The following FER1L6 variants were observed in gnomAD, a reference collection of about 807,000 sequenced individuals.
The protein encoded by FER1L6 is fer-1-like protein 6.
In FER1L6, 177 loss-of-function variants were observed where a neutral mutation model predicts 219.2. That is an observed-to-expected ratio of 0.81 (90% CI 0.71 to 0.91). FER1L6 has a LOEUF of 0.91. Ranked by LOEUF, FER1L6 falls within the 40% of genes least tolerant of loss-of-function variation. The pLI, the probability that FER1L6 is intolerant of heterozygous loss-of-function variation, is 0.00. For synonymous variants in FER1L6, 768 were observed against 824.3 expected, an observed-to-expected ratio of 0.93 and a Z score of 1.17; for missense variants, 2,153 against 2,259.9, an observed-to-expected ratio of 0.95 and a Z score of 0.96.
At position 124,069,426 on chromosome 8, in the gene FER1L6, T is replaced by C. The variant is rs1820971556; in HGVS notation, c.3785T>C (p.Leu1262Pro). Residue 1262 changes from leucine to proline, a missense_variant, in exon 29 of 41, where the codon CTC (leucine) becomes CCC (proline). Coordinates refer to ENST00000522917, the MANE Select transcript of FER1L6 (RefSeq NM_001039112.2). Reference sequence around the variant, plus strand: ...CCAAAGAAGAAGAAAGACAAAATGCTCAAGAAGAAACCCAAAGATGATGGA... The same window carrying C: ...CCAAAGAAGAAGAAAGACAAAATGCCCAAGAAGAAACCCAAAGATGATGGA... Reference protein sequence around the residue: ...DGPKKKKDKMLKKKPKDDGIP... With the variant: ...DGPKKKKDKMPKKKPKDDGIP... 6.2e-7 allele frequency: 1 copy of C among 1,611,890 alleles called. No individual in the cohort carries two copies.
Position 124,082,358 on chromosome 8 carries a change from A to G in FER1L6, c.4291A>G (p.Ile1431Val), listed in dbSNP as rs532162255. 90 of 1,614,002 alleles carry G rather than the reference A, an allele frequency of 5.6e-5. 1 individual carries two copies. The South Asian group carries it at 9.1e-4, about 16-fold the overall frequency. Reference protein sequence around the residue: ...LSILIYDHDMIGTDDLIGETK... With the variant: ...LSILIYDHDMVGTDDLIGETK... The stretch of plus-strand genomic sequence containing the variant: ...CATCCTGATCTATGACCATGACATG[A>G]TTGGCACAGATGACCTTATTGGTGA... The change falls in exon 33 of 41, where the codon ATT (isoleucine) becomes GTT (valine). Residue 1431 changes from isoleucine to valine, a missense_variant. By Grantham distance (29) the Ile-to-Val change is conservative (BLOSUM62 3). Coordinates refer to ENST00000522917, the MANE Select transcript of FER1L6 (RefSeq NM_001039112.2).
intron 35 of FER1L6, among the ~76,000 whole-genome samples, chr8:124,096,590 G>A (rs138656548): frequency 6.2e-4 from 94 of 152,220 alleles, no homozygotes; most frequent in African/African-American, 2.0e-3. Context: ...CTTGTACCAC[G>A]GTAAAATCTG....
chr8:123,972,617 A>G (rs575400339), intron 6 of FER1L6, among the ~76,000 whole-genome samples: 13 of 152,326 alleles, frequency 8.5e-5, no homozygotes, highest in Admixed American at 7.2e-4. Flanking sequence ...TCTGACAGTT[A>G]TAAACATTGT....
chr8:124,052,378 G>A (rs1340373865), intron 22 of FER1L6, among the ~76,000 whole-genome samples: 1 of 152,264 alleles, frequency 6.6e-6, no homozygotes, highest in African/African-American at 2.4e-5. Flanking sequence ...GATAGCACAG[G>A]TTTCAGGCAC....
chr8:123,992,198 G>T (rs1280870207), intron 12 of FER1L6, among the ~76,000 whole-genome samples: 1 of 152,100 alleles, frequency 6.6e-6, no homozygotes. Flanking sequence ...TGGAATCAGG[G>T]TGATATTGGC....
chr8:124,085,419 GTTTCCATTTTCA>G (rs1270068938), intron 33 of FER1L6, among the ~76,000 whole-genome samples: 2 of 151,502 alleles, frequency 1.3e-5, no homozygotes, highest in Non-Finnish European at 2.9e-5. Context: ...TTGTTGGTAT[GTTTCCATTTTCA>G]TTTGTTTCAA....
At chr8:123,936,459 C>T (rs938391360) in intron 1 of FER1L6, among the ~76,000 whole-genome samples, 3 of 114,728 alleles carry the variant, frequency 2.6e-5, no homozygotes, top group Admixed American at 2.0e-4. Context: ...ATAATTGCAG[C>T]CTGTTTTTTT....
intron 39 of FER1L6, among the ~76,000 whole-genome samples, chr8:124,118,006 A>T (rs1586367236): frequency 6.6e-6 from 1 of 152,340 alleles, no homozygotes; most frequent in Non-Finnish European, 1.5e-5. Context: ...ATTTCAATGC[A>T]TAAAACCAAG....
At chr8:123,921,693 C>T (rs1215162312) in intron 1 of FER1L6, among the ~76,000 whole-genome samples, 1 of 151,976 alleles carries the variant, frequency 6.6e-6, no homozygotes, top group African/African-American at 2.4e-5. Flanking sequence ...GAGGATTGTA[C>T]TCTTGCAGAG....
intron 1 of FER1L6, among the ~76,000 whole-genome samples, chr8:123,913,581 T>C (rs189595162): frequency 1.6e-4 from 24 of 152,224 alleles, no homozygotes; most frequent in Non-Finnish European, 1.5e-5. Flanking sequence ...GGGCTCTGTG[T>C]TTTTGTTTTT....
chr8:124,035,533 C>A, intron 19 of FER1L6, 79 bp downstream of exon 19: 2 of 1,429,266 alleles, frequency 1.4e-6, no homozygotes. Context: ...GGGCAGCATG[C>A]ATGAGTTTTT....
chr8:123,999,510 G>C (rs1817308630), intron 12 of FER1L6, among the ~76,000 whole-genome samples: 1 of 152,056 alleles, frequency 6.6e-6, no homozygotes. Context: ...CCAGGTGTCA[G>C]AAATTAGCCA....
intron 28 of FER1L6, 61 bp downstream of exon 28, chr8:124,067,867 T>TA (rs2130857031): frequency 1.4e-6 from 2 of 1,423,900 alleles, no homozygotes; most frequent in Non-Finnish European, 2.0e-6. Flanking sequence ...GAGAAAATTG[T>TA]AAAATGGAAG....
chr8:123,938,242 A>G (rs371258852), intron 1 of FER1L6, among the ~76,000 whole-genome samples: 2 of 152,248 alleles, frequency 1.3e-5, no homozygotes, highest in South Asian at 2.1e-4. Flanking sequence ...CACGGGGAAT[A>G]CCTCCTTGGT....
chr8:123,921,198 T>C (rs1180248134), intron 1 of FER1L6, among the ~76,000 whole-genome samples: 2 of 152,220 alleles, frequency 1.3e-5, no homozygotes, highest in African/African-American at 4.8e-5. Context: ...TTTGGATATA[T>C]ACCCAGAACC....
In FER1L6 at chr8:124,076,301, A is replaced by G. The variant is rs564228744; in HGVS notation, c.4196A>G (p.Lys1399Arg). The change falls in exon 32 of 41, where the codon AAA becomes AGA. Residue 1399 changes from lysine (K) to arginine (R), a missense_variant. Coordinates refer to ENST00000522917, the MANE Select transcript of FER1L6 (RefSeq NM_001039112.2). The part of the protein sequence containing the change: ...EIKDRDKYIP[K>R]QLNPVFGRSF... The stretch of plus-strand genomic sequence containing the variant: ...AAAGACCGGGATAAATACATCCCTA[A>G]ACAACTGAACCCAGTATTTGGAAGG... The G allele has an allele frequency of 4.3e-6, 7 of 1,613,838 alleles. No homozygotes were observed. In the African/African-American group the frequency reaches 9.3e-5, roughly 22 times the overall value.
At position 124,060,535 on chromosome 8, in the gene FER1L6, G is replaced by A. The variant is rs1438120717; in HGVS notation, c.2986-13G>A. Reference sequence around the variant, plus strand: ...TGGATCTGTGGTGATGGCTCTGCTGGTCTTTTCCTCAGGTTCTCTTCTGGG... The same window carrying A: ...TGGATCTGTGGTGATGGCTCTGCTGATCTTTTCCTCAGGTTCTCTTCTGGG... On this transcript the variant is annotated splice_polypyrimidine_tract_variant and intron_variant, in intron 23 of 40. Transcript: ENST00000522917. The A allele has an allele frequency of 3.1e-6, 5 of 1,613,178 alleles. No homozygotes were observed. In the African/African-American group the frequency reaches 4.0e-5, roughly 13 times the overall value.
In FER1L6 at chr8:124,101,239, G is replaced by C. The variant is rs1463639790; in HGVS notation, c.5026G>C (p.Glu1676Gln). 1.2e-6 allele frequency: 2 copies of C among 1,613,802 alleles called. No homozygotes were observed. Among genetic ancestry groups the C allele is most frequent in the African/African-American group, 2.7e-5 (2 of 74,870 alleles). ...AEKQMVITKRENIFSLEKMEC... is the reference protein window; with the variant it reads ...AEKQMVITKRQNIFSLEKMEC... ...GAAGCAAATGGTCATTACCAAGAGG[G>C]AGAACATCTTCTCTTTAGAGAAGAT... is the stretch of plus-strand genomic sequence containing the variant. Residue 1676 changes from glutamate (E) to glutamine (Q), a missense_variant, in exon 38 of 41, where the codon GAG (glutamate) becomes CAG (glutamine). Glu to Gln is a conservative substitution (Grantham distance 29). Transcript: ENST00000522917.
intron 1 of FER1L6, among the ~76,000 whole-genome samples, chr8:123,945,951 A>C (rs542733420): frequency 8.5e-5 from 13 of 152,314 alleles, no homozygotes; most frequent in African/African-American, 3.1e-4. Context: ...GGAACATTTT[A>C]TGTAATATAC....
Sources: gnomAD v4.1 joint callset for allele counts (sites outside exome capture counted in the v4.1 genomes callset) on GRCh38, gnomAD v4.1.1 for gene constraint, MANE v1.5 for transcripts, NCBI Gene and HGNC (gene_info 2026-07-23, HGNC 2026-07-21) for gene names.